NEGR1: variants seen among roughly 807,000 people sequenced by gnomAD.
The protein encoded by NEGR1 is neuronal growth regulator 1, also known as IgLON family member 4.
A neutral mutation model predicts 40.9 loss-of-function variants in NEGR1; 10 were observed. That is an observed-to-expected ratio of 0.24 (90% CI 0.15 to 0.42). NEGR1 has a LOEUF of 0.42. Among genes scored for constraint, NEGR1 ranks in the 10% least tolerant of loss-of-function variants. NEGR1 has a pLI of 1.00. For missense variants in NEGR1, 352 were observed against 438.9 expected (o/e 0.80, Z 1.77); for synonymous variants, 185 against 166.8 (o/e 1.11, Z -0.84).
intron 2 of NEGR1, among the ~76,000 whole-genome samples, chr1:71,881,009 T>A (rs1209129446): frequency 6.6e-6 from 1 of 152,062 alleles, no homozygotes; most frequent in Admixed American, 6.6e-5. Flanking sequence ...GGGTGGTGTA[T>A]ATGCTTTTAT....
chr1:72,007,298 C>T (rs1646616353), intron 1 of NEGR1, among the ~76,000 whole-genome samples: 1 of 151,574 alleles, frequency 6.6e-6, no homozygotes, highest in African/African-American at 2.4e-5. Context: ...AAATTAACAT[C>T]CAAGAGGAAA....
At chr1:71,669,677 A>G (rs11209816) in intron 4 of NEGR1, among the ~76,000 whole-genome samples, 49,609 of 151,704 alleles carry the variant, frequency 0.33, 9,821 homozygotes, top group East Asian at 0.48. Flanking sequence ...TTTGAGATGG[A>G]GTCTTGCTCT....
intron 2 of NEGR1, among the ~76,000 whole-genome samples, chr1:71,880,764 G>A (rs1246277863): frequency 6.6e-6 from 1 of 151,892 alleles, no homozygotes; most frequent in Non-Finnish European, 1.5e-5. Flanking sequence ...AAGAGTAAGA[G>A]CTTTCGACCA....
intron 6 of NEGR1, among the ~76,000 whole-genome samples, chr1:71,515,809 T>G (rs1276057800): frequency 1.6e-5 from 2 of 121,622 alleles, no homozygotes; most frequent in African/African-American, 7.4e-5. Context: ...GACCCATCAG[T>G]GTGCTGTATT....
chr1:71,825,537 G>T (rs1184310700), intron 2 of NEGR1, among the ~76,000 whole-genome samples: 4 of 151,784 alleles, frequency 2.6e-5, no homozygotes, highest in African/African-American at 9.7e-5. Context: ...GCATAAAAGG[G>T]CAATATAAAA....
intron 1 of NEGR1, among the ~76,000 whole-genome samples, chr1:72,203,763 C>T (rs1208375612): frequency 6.6e-6 from 1 of 151,996 alleles, no homozygotes; most frequent in Admixed American, 6.6e-5. Flanking sequence ...TTTCCCCAGC[C>T]ATTTCTATAT....
chr1:72,006,618 T>G (rs187619103), intron 1 of NEGR1, among the ~76,000 whole-genome samples: 4 of 152,132 alleles, frequency 2.6e-5, no homozygotes, highest in Non-Finnish European at 5.9e-5. Flanking sequence ...CTAACTGAAT[T>G]ATGTGATGAG....
chr1:71,798,530 T>C (rs532558424), intron 2 of NEGR1, among the ~76,000 whole-genome samples: 1 of 152,334 alleles, frequency 6.6e-6, no homozygotes, highest in African/African-American at 2.4e-5. Context: ...TAACTATTTA[T>C]GCATATTAAA....
chr1:71,888,263 C>T (rs1441836939), intron 2 of NEGR1, among the ~76,000 whole-genome samples: 6 of 152,166 alleles, frequency 3.9e-5, no homozygotes, highest in East Asian at 3.9e-4. Flanking sequence ...CCAGCGTGAG[C>T]GACGCAGAAG....
intron 1 of NEGR1, among the ~76,000 whole-genome samples, chr1:71,980,479 A>ACGGT (rs750434714): frequency 6.6e-6 from 1 of 152,122 alleles, no homozygotes; most frequent in Non-Finnish European, 1.5e-5. Context: ...TAATTCTTCT[A>ACGGT]CAGTCGGTTA....
chr1:71,927,667 T>A (rs1456721977), intron 2 of NEGR1, among the ~76,000 whole-genome samples: 1 of 151,436 alleles, frequency 6.6e-6, no homozygotes, highest in Admixed American at 6.6e-5. Flanking sequence ...TCCTACTGGA[T>A]AAAGTACCTG....
intron 1 of NEGR1, among the ~76,000 whole-genome samples, chr1:72,226,749 T>A (rs1321529437): frequency 6.6e-6 from 1 of 152,034 alleles, no homozygotes; most frequent in African/African-American, 2.4e-5. Context: ...CTCAGAAAAG[T>A]GATTCAGAAA....
At position 71,887,141 on chromosome 1, in the gene NEGR1, A is replaced by C. The variant is rs539499229; in HGVS notation, c.409+47938T>G. Among the ~76,000 whole-genome samples the C allele has an allele frequency of 4.6e-5, 7 of 152,344 alleles. No individual in the cohort carries two copies. The South Asian group carries it at 1.2e-3, about 27-fold the overall frequency. On this transcript the variant is annotated intron_variant, in intron 2 of 6. Transcript: ENST00000357731. ...GAAAAAATAAAATTTTATTAAGAAA[A>C]TTATAAGTAAGGGAAAATGTATTTA...
At chr1:72,066,196 C>G (rs887870181) in intron 1 of NEGR1, among the ~76,000 whole-genome samples, 3 of 152,066 alleles carry the variant, frequency 2.0e-5, no homozygotes, top group African/African-American at 7.2e-5. Flanking sequence ...ACTGAGGCAT[C>G]GGAAGGTTGA....
At chr1:71,607,371 A>G (rs769572937) in intron 5 of NEGR1, among the ~76,000 whole-genome samples, 2 of 152,206 alleles carry the variant, frequency 1.3e-5, no homozygotes, top group Non-Finnish European at 2.9e-5. Flanking sequence ...TCACATTGAC[A>G]TTTCAAATTA....
chr1:72,177,093 A>ACCT (rs551050492), intron 1 of NEGR1, among the ~76,000 whole-genome samples: 1 of 152,078 alleles, frequency 6.6e-6, no homozygotes, highest in Non-Finnish European at 1.5e-5. Context: ...TTCATTGTGG[A>ACCT]CCTATTATTT....
intron 1 of NEGR1, among the ~76,000 whole-genome samples, chr1:72,168,002 A>T (rs939185672): frequency 4.2e-4 from 5 of 12,012 alleles, no homozygotes; most frequent in Non-Finnish European, 8.1e-4. Flanking sequence ...TATTATTATT[A>T]TTATTTTTTT....
At chr1:72,052,432 T>C (rs1423580039) in intron 1 of NEGR1, among the ~76,000 whole-genome samples, 1 of 151,488 alleles carries the variant, frequency 6.6e-6, no homozygotes, top group Non-Finnish European at 1.5e-5. Flanking sequence ...TGGAGAATTC[T>C]GGTGTTTTAG....
intron 1 of NEGR1, among the ~76,000 whole-genome samples, chr1:72,016,312 A>G (rs1172910106): frequency 4.6e-5 from 7 of 152,306 alleles, no homozygotes; most frequent in Admixed American, 2.6e-4. Context: ...CACATAAGAT[A>G]CAGAGTGTGT....
Sources: allele counts gnomAD v4.1 joint callset (sites outside exome capture counted in the v4.1 genomes callset), GRCh38; gene constraint gnomAD v4.1.1; transcripts MANE v1.5; gene names NCBI Gene and HGNC (gene_info 2026-07-23, HGNC 2026-07-21).